Variants in SCUBE1 observed in about 807,000 individuals in gnomAD.
The protein encoded by SCUBE1 is signal peptide, CUB and EGF-like domain-containing protein 1.
SCUBE1 carries 59 observed loss-of-function variants against 124.4 expected under a neutral mutation model. The observed-to-expected ratio is 0.47, with a 90% CI of 0.38 to 0.59. SCUBE1 has a LOEUF of 0.59. Ranked by LOEUF, SCUBE1 falls within the 20% of genes least tolerant of loss-of-function variation. The probability of loss-of-function intolerance (pLI) is 0.00; values close to 1 mark genes in which losing one functional copy is unlikely to be tolerated. For missense variants in SCUBE1, 1,150 were observed against 1,371.2 expected, an observed-to-expected ratio of 0.84 and a Z score of 2.55; for synonymous variants, 545 against 550.9, an observed-to-expected ratio of 0.99 and a Z score of 0.15.
rs373875589 is a variant in SCUBE1 at position 43,258,376 on chromosome 22, A to C, written c.611-41T>G. ...GTGTACACACGGGTGTATAAACAGA[A>C]CAACAAAAACGGTTAGTTTGCCGGT... On this transcript the variant is annotated intron_variant, in intron 5 of 21. Coordinates refer to ENST00000360835, the MANE Select transcript of SCUBE1 (RefSeq NM_173050.5). This position sits in a 1 kb window ranked among gnomAD's most constrained non-coding sequence, Gnocchi z 5.0. The C allele has an allele frequency of 2.1e-6, 3 of 1,444,624 alleles. No homozygotes were observed. Among genetic ancestry groups the C allele is most frequent in the Non-Finnish European group, 9.8e-7 (1 of 1,025,606 alleles). 89.5% of individuals were successfully genotyped at this position (1,444,624 alleles called of 1,614,324 possible). A position where few individuals can be genotyped will look rare whatever the true frequency, so the allele number is the denominator to read the frequency against.
At chr22:43,292,938 G>C (rs1381183096) in intron 3 of SCUBE1, among the ~76,000 whole-genome samples, 12 of 152,242 alleles carry the variant, frequency 7.9e-5, no homozygotes, top group Admixed American at 7.8e-4. Context: ...CCCTCGCTGA[G>C]AGGAGCCAGG....
At chr22:43,228,987 T>G in intron 9 of SCUBE1, 85 bp downstream of exon 9, 1 of 953,224 alleles carries the variant, frequency 1.0e-6, no homozygotes, top group Non-Finnish European at 1.6e-6. Flanking sequence ...GAGGGCAGGG[T>G]TGGGATGCGG....
intron 14 of SCUBE1, among the ~76,000 whole-genome samples, chr22:43,219,861 C>T (rs1231885483): frequency 6.6e-6 from 1 of 152,082 alleles, no homozygotes; most frequent in African/African-American, 2.4e-5. Context: ...CACCGAGAGT[C>T]CCACCTGGCA....
intron 10 of SCUBE1, among the ~76,000 whole-genome samples, chr22:43,226,226 C>G (rs139008): frequency 0.47 from 71,841 of 151,930 alleles, 20,018 homozygotes; most frequent in Non-Finnish European, 0.63. Flanking sequence ...GATGGACAGA[C>G]AGACAGACAT....
Position 43,255,646 on chromosome 22 carries a change from C to G in SCUBE1, c.727+2573G>C. 3.0e-6 allele frequency: 4 copies of G among 1,346,504 alleles called. No individual in the cohort carries two copies. The highest frequency in any genetic ancestry group is 4.2e-6 in the Non-Finnish European group (4 of 963,816). 83.4% of individuals were successfully genotyped at this position (1,346,504 alleles called of 1,614,324 possible). A position where few individuals can be genotyped will look rare whatever the true frequency, so the allele number is the denominator to read the frequency against. On this transcript the variant is annotated intron_variant, in intron 6 of 21. Transcript: ENST00000360835. This position sits in a 1 kb window ranked among gnomAD's most constrained non-coding sequence, Gnocchi z 4.7. ...ACAGCCCACTTCCCGCGGCCCAAGA[C>G]AGTCAGCCTCTCGGCGTGGCGCACG...
At chr22:43,206,397 GCA>G (rs1375013515) in intron 21 of SCUBE1, among the ~76,000 whole-genome samples, 1 of 150,990 alleles carries the variant, frequency 6.6e-6, no homozygotes, top group Non-Finnish European at 1.5e-5. Context: ...CCCACCCCCC[GCA>G]CACACACACG....
intron 5 of SCUBE1, among the ~76,000 whole-genome samples, chr22:43,261,587 G>C (rs572673218): frequency 8.5e-5 from 13 of 152,200 alleles, no homozygotes; most frequent in Non-Finnish European, 1.6e-4. Flanking sequence ...GGACCAACAA[G>C]GGCCAGCTGT....
chr22:43,252,949 CCCTA>C (rs1464593694), intron 6 of SCUBE1, among the ~76,000 whole-genome samples: 1 of 150,154 alleles, frequency 6.7e-6, no homozygotes, highest in African/African-American at 2.5e-5. Flanking sequence ...ACGGTCACCT[CCCTA>C]CCTAACTCTA....
At chr22:43,214,309 T>C (rs1325701373) in intron 15 of SCUBE1, 58 bp from the exon 16 acceptor site, 1 of 1,528,696 alleles carries the variant, frequency 6.5e-7, no homozygotes, top group African/African-American at 1.4e-5. Flanking sequence ...CAGGGGTGTC[T>C]CCTGTGTGCT....
intron 1 of SCUBE1, among the ~76,000 whole-genome samples, chr22:43,339,552 C>T (rs76342758): frequency 0.026 from 3,973 of 151,772 alleles, 71 homozygotes; most frequent in Non-Finnish European, 0.037. Flanking sequence ...GAACCTCCTC[C>T]TCCGTCTGTC....
Position 43,258,712 on chromosome 22 carries a change from G to C in SCUBE1, c.611-377C>G, listed in dbSNP as rs1041852062. ...ATGGGGCAAATGTTTGCCAATGCCAGGACATACTTGTCAAGCTGTCGGGGG... is the reference window on the plus strand; with the variant it reads ...ATGGGGCAAATGTTTGCCAATGCCACGACATACTTGTCAAGCTGTCGGGGG... On this transcript the variant is annotated intron_variant, in intron 5 of 21. Transcript: ENST00000360835. The surrounding 1 kb of genome is among the most constrained non-coding windows in gnomAD (Gnocchi z 5.0). Among the ~76,000 whole-genome samples the C allele has an allele frequency of 6.6e-6, 1 of 152,316 alleles. No homozygotes were observed. The highest frequency in any genetic ancestry group is 1.9e-4 in the East Asian group (1 of 5,182).
At chr22:43,269,602 G>A (rs1490641458) in intron 4 of SCUBE1, among the ~76,000 whole-genome samples, 1 of 152,132 alleles carries the variant, frequency 6.6e-6, no homozygotes, top group East Asian at 1.9e-4. Flanking sequence ...GCAGAGCAGG[G>A]AGAAAAGAAC....
intron 20 of SCUBE1, 78 bp downstream of exon 20, chr22:43,207,994 G>A: frequency 6.6e-7 from 1 of 1,515,308 alleles, no homozygotes; most frequent in Non-Finnish European, 9.1e-7. Context: ...CTGAGGGCGG[G>A]GACGTGCGAC....
chr22:43,236,143 G>A lies in SCUBE1; in HGVS notation c.844+2695C>T, dbSNP rs888015806. On this transcript the variant is annotated intron_variant, in intron 7 of 21. Transcript: ENST00000360835. ...TGAGATCCTCCCCAGACCCTGCCAA[G>A]ATCAGGGTGTGCACCTGACCGAGGA... 4.6e-5 allele frequency among the ~76,000 whole-genome samples: 7 copies of A among 152,320 alleles called. No homozygotes were observed. The East Asian group carries it at 5.8e-4, about 13-fold the overall frequency.
At chr22:43,238,807 C>G in intron 7 of SCUBE1, 31 bp downstream of exon 7, 1 of 1,569,310 alleles carries the variant, frequency 6.4e-7, no homozygotes, top group Non-Finnish European at 8.8e-7. Flanking sequence ...CCAGTACAGG[C>G]AGGGGCACCC....
rs1035049815 is a variant in SCUBE1, at chr22:43,341,250, C to T, written c.88+1924G>A. On this transcript the variant is annotated intron_variant, in intron 1 of 21. Coordinates refer to ENST00000360835, the MANE Select transcript of SCUBE1 (RefSeq NM_173050.5). ...AGGCAGGAACTGGAGGGGGCCCAGC[C>T]GGCAACTGGATGGCTGGGCCAGCAG... is the stretch of plus-strand genomic sequence containing the variant. Among the ~76,000 whole-genome samples the T allele has an allele frequency of 1.7e-4, 26 of 152,176 alleles. No homozygotes were observed. In the East Asian group the frequency reaches 1.7e-3, roughly 10 times the overall value.
At chr22:43,248,656 A>C (rs949550387) in intron 6 of SCUBE1, among the ~76,000 whole-genome samples, 2 of 152,362 alleles carry the variant, frequency 1.3e-5, no homozygotes. Flanking sequence ...CTCAGTGGGC[A>C]GGGAGGCCAC....
intron 2 of SCUBE1, among the ~76,000 whole-genome samples, chr22:43,324,354 T>C (rs2146789292): frequency 6.6e-6 from 1 of 152,348 alleles, no homozygotes; most frequent in Non-Finnish European, 1.5e-5. Flanking sequence ...GGATATTTGC[T>C]GCTTGCATTT....
chr22:43,247,579 C>T (rs1212376750), intron 6 of SCUBE1, among the ~76,000 whole-genome samples: 1 of 152,206 alleles, frequency 6.6e-6, no homozygotes, highest in Non-Finnish European at 1.5e-5. Context: ...CTGCTGGGAG[C>T]TGCTGGGAGC....
Sources: allele counts gnomAD v4.1 joint callset (sites outside exome capture counted in the v4.1 genomes callset), GRCh38; gene constraint gnomAD v4.1.1; non-coding constraint Gnocchi (gnomAD v3.1); transcripts MANE v1.5; gene names NCBI Gene and HGNC (gene_info 2026-07-23, HGNC 2026-07-21).